KCNMA1: variants seen among roughly 807,000 people sequenced by gnomAD.
The protein encoded by KCNMA1 is Calcium-activated potassium channel subunit alpha-1.
In KCNMA1, 29 loss-of-function variants were observed where a neutral mutation model predicts 140.0. The ratio of observed to expected loss-of-function variants is 0.21; its 90% CI spans 0.15 to 0.28. The LOEUF (loss-of-function observed/expected upper bound fraction) is 0.28. Ranked by LOEUF, KCNMA1 falls within the 10% of genes least tolerant of loss-of-function variation. KCNMA1 has a pLI of 1.00. For synonymous variants in KCNMA1, 612 were observed against 611.9 expected (o/e 1.00, Z 0.00); for missense variants, 880 against 1,602.2 (o/e 0.55, Z 7.70).
chr10:77,270,016 T>C (rs544073894), intron 2 of KCNMA1, among the ~76,000 whole-genome samples: 187 of 152,306 alleles, frequency 1.2e-3, no homozygotes, highest in African/African-American at 4.4e-3. Context: ...TGGCAGGCTG[T>C]TCCCTGGCTC....
intron 1 of KCNMA1, among the ~76,000 whole-genome samples, chr10:77,558,539 G>T (rs1433514199): frequency 6.6e-6 from 1 of 152,174 alleles, no homozygotes; most frequent in African/African-American, 2.4e-5. Flanking sequence ...CTTCTGGATG[G>T]TTCCAAGAAG....
intron 1 of KCNMA1, among the ~76,000 whole-genome samples, chr10:77,439,145 G>GAGAAGAGAAA (rs1241750177): frequency 9.0e-6 from 1 of 111,664 alleles, no homozygotes; most frequent in Non-Finnish European, 2.0e-5. Flanking sequence ...GAGAAGAGAA[G>GAGAAGAGAAA]AGAAAAGAGA....
intron 1 of KCNMA1, among the ~76,000 whole-genome samples, chr10:77,615,871 CA>C (rs1246425923): frequency 6.6e-6 from 1 of 152,100 alleles, no homozygotes; most frequent in Non-Finnish European, 1.5e-5. Context: ...GTTATATTGA[CA>C]AAGGAGAGGG....
chr10:77,174,775 A>G (rs117463124), intron 5 of KCNMA1, among the ~76,000 whole-genome samples: 299 of 152,346 alleles, frequency 2.0e-3, no homozygotes, highest in Middle Eastern at 0.01. Context: ...CAGAAACTGC[A>G]TTCTAACAAG....
intron 2 of KCNMA1, among the ~76,000 whole-genome samples, chr10:77,401,181 C>T (rs2154460763): frequency 6.6e-6 from 1 of 150,770 alleles, no homozygotes; most frequent in East Asian, 2.0e-4. Context: ...CGGAGTCTTG[C>T]TCTGTCACCC....
At chr10:77,359,582 AG>A (rs2093775483) in intron 2 of KCNMA1, among the ~76,000 whole-genome samples, 1 of 152,214 alleles carries the variant, frequency 6.6e-6, no homozygotes, top group African/African-American at 2.4e-5. Flanking sequence ...ATGAAACCTT[AG>A]AAGGCAGCTC....
chr10:77,405,386 G>C (rs943099631), intron 1 of KCNMA1, among the ~76,000 whole-genome samples: 1 of 152,190 alleles, frequency 6.6e-6, no homozygotes, highest in African/African-American at 2.4e-5. Flanking sequence ...GCCTAATAGA[G>C]TGTCTGGGAC....
intron 22 of KCNMA1, among the ~76,000 whole-genome samples, chr10:76,947,997 T>C (rs1565117271): frequency 1.6e-4 from 1 of 6,092 alleles, no homozygotes; most frequent in Non-Finnish European, 3.7e-4. Context: ...CCTCAGTTGT[T>C]TCTTGTTTTG....
chr10:77,289,952 T>G (rs1420867255), intron 2 of KCNMA1, among the ~76,000 whole-genome samples: 4 of 152,212 alleles, frequency 2.6e-5, no homozygotes, highest in African/African-American at 4.8e-5. Flanking sequence ...CCACATCCTG[T>G]GGATTCTCCT....
chr10:77,153,502 G>C (rs1184651126), intron 5 of KCNMA1, among the ~76,000 whole-genome samples: 1 of 152,026 alleles, frequency 6.6e-6, no homozygotes, highest in Non-Finnish European at 1.5e-5. Flanking sequence ...GTCCTGCATA[G>C]CTGGGACTAC....
chr10:77,461,783 T>C (rs1489706121), intron 1 of KCNMA1, among the ~76,000 whole-genome samples: 4 of 152,138 alleles, frequency 2.6e-5, no homozygotes, highest in Non-Finnish European at 5.9e-5. Context: ...GTGTGCTTTG[T>C]CTTCCTCTTC....
chr10:77,412,085 A>G (rs550727983), intron 1 of KCNMA1, among the ~76,000 whole-genome samples: 41 of 152,248 alleles, frequency 2.7e-4, no homozygotes, highest in African/African-American at 7.2e-4. Context: ...TTAGCACAAA[A>G]CCATCTCCGC....
intron 1 of KCNMA1, among the ~76,000 whole-genome samples, chr10:77,547,359 G>A (rs181408631): frequency 3.3e-5 from 5 of 152,256 alleles, no homozygotes; most frequent in Admixed American, 6.5e-5. Context: ...GAACGGCTCC[G>A]TTATATTTCA....
chr10:77,382,635 C>T (rs1045387677), intron 2 of KCNMA1, among the ~76,000 whole-genome samples: 8 of 151,822 alleles, frequency 5.3e-5, no homozygotes, highest in Non-Finnish European at 4.4e-5. Flanking sequence ...GAGGCCAAGG[C>T]GGGTGGATCA....
chr10:77,635,262 G>A (rs572948651), intron 1 of KCNMA1: 3 of 152,322 alleles, frequency 2.0e-5, no homozygotes, highest in African/African-American at 7.2e-5. Flanking sequence ...CACTGCAATT[G>A]CATTTATGTA....
At chr10:77,620,454 A>T (rs572421032) in intron 1 of KCNMA1, among the ~76,000 whole-genome samples, 2 of 152,358 alleles carry the variant, frequency 1.3e-5, no homozygotes, top group South Asian at 4.1e-4. Context: ...CTAAGTCCTC[A>T]GGGTCCTATT....
intron 2 of KCNMA1, among the ~76,000 whole-genome samples, chr10:77,276,242 T>G (rs1050285328): frequency 6.6e-6 from 1 of 152,230 alleles, no homozygotes; most frequent in Non-Finnish European, 1.5e-5. Flanking sequence ...GTCTACCTTC[T>G]AGCATTGTGT....
At chr10:77,025,251 T>C (rs931183151) in intron 16 of KCNMA1, among the ~76,000 whole-genome samples, 2 of 80,162 alleles carry the variant, frequency 2.5e-5, no homozygotes, top group African/African-American at 5.5e-5. Context: ...TGTATATATA[T>C]ATATATATAT....
chr10:77,440,888 G>A (rs1360310122), intron 1 of KCNMA1, among the ~76,000 whole-genome samples: 1 of 152,156 alleles, frequency 6.6e-6, no homozygotes, highest in Non-Finnish European at 1.5e-5. Flanking sequence ...GCACGATCTT[G>A]GCTCACTGCA....
Sources: gnomAD v4.1 joint callset for allele counts (sites outside exome capture counted in the v4.1 genomes callset) on GRCh38, gnomAD v4.1.1 for gene constraint, MANE v1.5 for transcripts, NCBI Gene and HGNC (gene_info 2026-07-23, HGNC 2026-07-21) for gene names.